SIRT5: variants seen among roughly 807,000 people sequenced by gnomAD.
SIRT5 encodes the protein NAD-dependent protein deacylase sirtuin-5, mitochondrial.
SIRT5 carries 26 observed loss-of-function variants against 40.0 expected under a neutral mutation model. The observed-to-expected ratio is 0.65, with a 90% CI of 0.48 to 0.90. The LOEUF is 0.90. Among genes scored for constraint, SIRT5 ranks in the 40% least tolerant of loss-of-function variants. The pLI, the probability that SIRT5 is intolerant of heterozygous loss-of-function variation, is 0.00. For missense variants in SIRT5, 401 were observed against 402.4 expected (o/e 1.00, Z 0.03); for synonymous variants, 146 against 149.1 (o/e 0.98, Z 0.15).
chr6:13,597,063 C>CA (rs544321733), intron 7 of SIRT5, 47 bp downstream of exon 7: 86,907 of 961,950 alleles, frequency 0.09, 49 homozygotes, highest in South Asian at 0.11. Context: ...GTTACCAAAA[C>CA]AAAAAAAAAA....
At position 13,584,117 on chromosome 6, in the gene SIRT5, C is replaced by T. The variant is rs1759744228; in HGVS notation, c.7C>T (p.Pro3Ser). The change falls in exon 3 of 10, where the codon CCT (proline) becomes TCT (serine). Residue 3 changes from proline to serine, a missense_variant. Coordinates refer to ENST00000606117, the MANE Select transcript of SIRT5 (RefSeq NM_012241.5). ...GAACTACAGACAAACCCTGATGCGA[C>T]CTCTCCAGATTGTCCCAAGTCGATT... The part of the protein sequence containing the change: MR[P>S]LQIVPSRLIS... 6.2e-7 allele frequency: 1 copy of T among 1,613,864 alleles called. No individual in the cohort carries two copies. Among genetic ancestry groups the T allele is most frequent in the Non-Finnish European group, 8.5e-7 (1 of 1,179,768 alleles).
intron 2 of SIRT5, among the ~76,000 whole-genome samples, chr6:13,583,546 G>A (rs781282523): frequency 5.3e-5 from 8 of 152,010 alleles, no homozygotes; most frequent in Non-Finnish European, 1.2e-4. Flanking sequence ...CACCCATCTC[G>A]GCCTCCCAAA....
intron 4 of SIRT5, among the ~76,000 whole-genome samples, chr6:13,590,181 TAC>T (rs1359773629): frequency 6.6e-6 from 1 of 152,208 alleles, no homozygotes; most frequent in Non-Finnish European, 1.5e-5. Context: ...GCATTGTGTG[TAC>T]AGTTTGATGA....
chr6:13,595,846 G>T (rs139847196), intron 6 of SIRT5, among the ~76,000 whole-genome samples: 22 of 152,214 alleles, frequency 1.4e-4, no homozygotes, highest in African/African-American at 5.1e-4. Context: ...ACAAAAATTA[G>T]CTGGGTGTGG....
chr6:13,591,915 C>A, intron 5 of SIRT5, 21 bp downstream of exon 5: 1 of 1,603,622 alleles, frequency 6.2e-7, no homozygotes, highest in Non-Finnish European at 8.5e-7. Flanking sequence ...CCCAGCCTCC[C>A]ATTCAGGGAA....
chr6:13,578,658 CTGCTTTAAATGTT>C (rs140183827), intron 1 of SIRT5, among the ~76,000 whole-genome samples: 42,565 of 140,804 alleles, frequency 0.3, 7,015 homozygotes, highest in Admixed American at 0.32. Context: ...GGTATTAGTT[CTGCTTTAAATGTT>C]TGGTAGAATT....
intron 1 of SIRT5, among the ~76,000 whole-genome samples, chr6:13,577,964 G>A (rs1584731112): frequency 6.6e-6 from 1 of 152,032 alleles, no homozygotes; most frequent in South Asian, 2.1e-4. Context: ...GTCATATTTG[G>A]TCTTTCTGTG....
chr6:13,584,239 C>G lies in SIRT5; in HGVS notation c.115+14C>G, dbSNP rs1214498275. Reference sequence around the variant, plus strand: ...GGCCAAGTTCAAGTAAGTCATTTTACCCATTGCCTCACCTGCAGCCAAATG... The same window carrying G: ...GGCCAAGTTCAAGTAAGTCATTTTAGCCATTGCCTCACCTGCAGCCAAATG... On this transcript the variant is annotated intron_variant, in intron 3 of 9. Transcript: ENST00000606117. 1.3e-6 allele frequency: 2 copies of G among 1,580,742 alleles called. No individual in the cohort carries two copies. The highest frequency in any genetic ancestry group is 1.7e-6 in the Non-Finnish European group (2 of 1,149,584).
rs1250935123 is a variant in SIRT5, at chr6:13,614,635, T to TCAG, written c.*2773_*2775dup. On this transcript the variant is annotated 3_prime_UTR_variant, in exon 10 of 10. Coordinates refer to ENST00000606117, the MANE Select transcript of SIRT5 (RefSeq NM_012241.5). ...GAAGCCATTCTTTCAGGAGATATGC[T>TCAG]CAGCATTTGCCACGGGCCAGCTGCT... 6.6e-6 allele frequency: 1 copy of TCAG among 152,268 alleles called. No individual in the cohort carries two copies. The highest frequency in any genetic ancestry group is 1.5e-5 in the Non-Finnish European group (1 of 68,064). 9.4% of individuals were successfully genotyped at this position (152,268 alleles called of 1,614,324 possible). A position where few individuals can be genotyped will look rare whatever the true frequency, so the allele number is the denominator to read the frequency against.
Position 13,588,346 on chromosome 6 carries a change from G to GA in SIRT5, c.134dup (p.Phe46ValfsTer17). On this transcript the variant is annotated frameshift_variant, in exon 4 of 10. Coordinates refer to ENST00000606117, the MANE Select transcript of SIRT5 (RefSeq NM_012241.5). LOFTEE classifies it high-confidence loss of function. ...CTCTGTTTAGGTATGGCAGATTTTC[G>GA]AAAGTTTTTTGCAAAAGCAAAGCAC... 6.2e-7 allele frequency: 1 copy of GA among 1,613,820 alleles called. No individual in the cohort carries two copies. Among genetic ancestry groups the GA allele is most frequent in the Non-Finnish European group, 8.5e-7 (1 of 1,179,896 alleles).
At chr6:13,592,228 C>G (rs1253108699) in intron 5 of SIRT5, among the ~76,000 whole-genome samples, 1 of 152,166 alleles carries the variant, frequency 6.6e-6, no homozygotes, top group African/African-American at 2.4e-5. Context: ...CCCACTGAAT[C>G]AGAATCTGCA....
At chr6:13,603,701 T>C (rs553353353) in intron 9 of SIRT5, among the ~76,000 whole-genome samples, 4 of 152,332 alleles carry the variant, frequency 2.6e-5, no homozygotes, top group Admixed American at 2.6e-4. Context: ...TACTCCTTGG[T>C]ATATAGTCCT....
chr6:13,594,702 A>T (rs1197904690), intron 5 of SIRT5, among the ~76,000 whole-genome samples: 2 of 152,220 alleles, frequency 1.3e-5, no homozygotes, highest in Non-Finnish European at 2.9e-5. Flanking sequence ...GAGAGCAGGG[A>T]TGGTGCTCCC....
chr6:13,583,449 C>T (rs371556813), intron 2 of SIRT5, among the ~76,000 whole-genome samples: 1 of 151,880 alleles, frequency 6.6e-6, no homozygotes, highest in African/African-American at 2.4e-5. Flanking sequence ...CATGCACCAC[C>T]ACTCCCAGCT....
chr6:13,606,544 A>G (rs575117756), intron 9 of SIRT5, among the ~76,000 whole-genome samples: 4 of 152,264 alleles, frequency 2.6e-5, no homozygotes, highest in African/African-American at 9.6e-5. Flanking sequence ...AAGCCCTCCT[A>G]GTCCATGCAG....
intron 6 of SIRT5, 65 bp downstream of exon 6, chr6:13,595,629 A>G: frequency 8.4e-7 from 1 of 1,185,850 alleles, no homozygotes; most frequent in Non-Finnish European, 1.3e-6. Flanking sequence ...CATAAATGTG[A>G]GGAAATTGAA....
chr6:13,582,906 C>G (rs1759538915), intron 2 of SIRT5, among the ~76,000 whole-genome samples: 1 of 152,204 alleles, frequency 6.6e-6, no homozygotes, highest in African/African-American at 2.4e-5. Flanking sequence ...AAATTACATT[C>G]TCACAGAAAC....
Position 13,597,018 on chromosome 6 carries a change from T to C in SIRT5, c.617+2T>C. 1 of 1,610,078 alleles carries C rather than the reference T, an allele frequency of 6.2e-7. No individual in the cohort carries two copies. Among genetic ancestry groups the C allele is most frequent in the Non-Finnish European group, 8.5e-7 (1 of 1,178,568 alleles). On this transcript the variant is annotated splice_donor_variant, in intron 7 of 9. Transcript: ENST00000606117. LOFTEE classifies it high-confidence loss of function. ...CATCCCAGTTGAGAAACTTCCCCGG[T>C]AGGTAGAAAACTCTGATTTGTACTG...
At chr6:13,576,752 A>C (rs549634719) in intron 1 of SIRT5, among the ~76,000 whole-genome samples, 1 of 152,062 alleles carries the variant, frequency 6.6e-6, no homozygotes, top group African/African-American at 2.4e-5. Flanking sequence ...GTTTTCACCT[A>C]TGTTATCTTC....
Sources: allele counts gnomAD v4.1 joint callset (sites outside exome capture counted in the v4.1 genomes callset), GRCh38; gene constraint gnomAD v4.1.1; transcripts MANE v1.5; gene names NCBI Gene and HGNC (gene_info 2026-07-23, HGNC 2026-07-21).